EPN2: variants seen among roughly 807,000 people sequenced by gnomAD.
The protein encoded by EPN2 is epsin-2.
In EPN2, 34 loss-of-function variants were observed where a neutral mutation model predicts 61.7. The observed-to-expected ratio is 0.55, with a 90% CI of 0.42 to 0.73. The LOEUF is 0.73. Among genes scored for constraint, EPN2 ranks in the 30% least tolerant of loss-of-function variants. EPN2 has a pLI of 0.00. For missense variants in EPN2, 714 were observed against 839.2 expected (o/e 0.85, Z 1.84); for synonymous variants, 349 against 353.6 (o/e 0.99, Z 0.15).
At chr17:19,304,109 T>TAAAA (rs1358863956) in intron 4 of EPN2, among the ~76,000 whole-genome samples, 1 of 151,398 alleles carries the variant, frequency 6.6e-6, no homozygotes, top group Non-Finnish European at 1.5e-5. Flanking sequence ...TCTCAAAAAA[T>TAAAA]AAATAAATAA....
chr17:19,300,039 G>A (rs921247837), intron 4 of EPN2, among the ~76,000 whole-genome samples: 22 of 152,236 alleles, frequency 1.4e-4, no homozygotes, highest in African/African-American at 5.3e-4. Context: ...GCAGTTGAAC[G>A]GATTAGAACA....
At chr17:19,273,788 ATTT>A (rs1166080552) in intron 1 of EPN2, among the ~76,000 whole-genome samples, 1 of 152,156 alleles carries the variant, frequency 6.6e-6, no homozygotes, top group Non-Finnish European at 1.5e-5. Flanking sequence ...GAAATAAAGG[ATTT>A]TTTTCTTTTC....
chr17:19,306,806 A>G (rs1461887911), intron 4 of EPN2, among the ~76,000 whole-genome samples: 1 of 152,212 alleles, frequency 6.6e-6, no homozygotes, highest in African/African-American at 2.4e-5. Context: ...GGGGTGGGAT[A>G]TGAGCCTTCT....
chr17:19,325,256 A>G (rs1398230929), intron 7 of EPN2, among the ~76,000 whole-genome samples: 1 of 152,264 alleles, frequency 6.6e-6, no homozygotes, highest in East Asian at 1.9e-4. Flanking sequence ...TGAGACTAGC[A>G]GAAGCCTAAT....
intron 4 of EPN2, among the ~76,000 whole-genome samples, chr17:19,305,046 T>C (rs1905764733): frequency 6.6e-6 from 1 of 152,202 alleles, no homozygotes; most frequent in Non-Finnish European, 1.5e-5. Context: ...GCAGTCATGC[T>C]GCCCACTGCA....
At chr17:19,292,951 A>G (rs2045479255) in intron 4 of EPN2, among the ~76,000 whole-genome samples, 1 of 152,260 alleles carries the variant, frequency 6.6e-6, no homozygotes. Flanking sequence ...TCTTTCCTCT[A>G]CTTGACAGTT....
At chr17:19,256,723 C>T (rs532137718) in intron 1 of EPN2, among the ~76,000 whole-genome samples, 2 of 152,244 alleles carry the variant, frequency 1.3e-5, no homozygotes, top group Admixed American at 1.3e-4. Context: ...AGCTGAGTGA[C>T]TTAAAATTTA....
intron 4 of EPN2, among the ~76,000 whole-genome samples, chr17:19,288,916 G>A (rs1318529458): frequency 1.3e-5 from 2 of 152,198 alleles, no homozygotes; most frequent in East Asian, 1.9e-4. Flanking sequence ...GTGAGATGGG[G>A]GAAGATGAGG....
At chr17:19,301,070 G>A (rs1299771896) in intron 4 of EPN2, among the ~76,000 whole-genome samples, 1 of 152,128 alleles carries the variant, frequency 6.6e-6, no homozygotes, top group Non-Finnish European at 1.5e-5. Flanking sequence ...GCAAGCAAAG[G>A]CTCGAGGCAG....
chr17:19,313,488 T>C, intron 7 of EPN2: 1 of 438,028 alleles, frequency 2.3e-6, no homozygotes, highest in Non-Finnish European at 4.0e-6. Flanking sequence ...TGAGTGGTTT[T>C]CTGCTTTGGG....
intron 1 of EPN2, among the ~76,000 whole-genome samples, chr17:19,268,092 C>T (rs1210672740): frequency 1.3e-5 from 2 of 152,186 alleles, no homozygotes; most frequent in Non-Finnish European, 2.9e-5. Context: ...TGAGGGTTCT[C>T]ACTCTGCCCG....
At chr17:19,308,157 T>G (rs1434997801) in intron 4 of EPN2, 1 of 528,490 alleles carries the variant, frequency 1.9e-6, no homozygotes, top group South Asian at 8.1e-5. Context: ...CACTGCAACC[T>G]CTGCCTTCTG....
intron 8 of EPN2, chr17:19,329,230 T>A (rs914925988): frequency 2.3e-6 from 1 of 431,104 alleles, no homozygotes; most frequent in Non-Finnish European, 4.1e-6. Flanking sequence ...GGTGACTTCC[T>A]ACAGACCCTC....
chr17:19,308,139 T>G (rs1905940359), intron 4 of EPN2: 1 of 653,060 alleles, frequency 1.5e-6, no homozygotes, highest in African/African-American at 2.0e-5. Flanking sequence ...AGTAGCTTGA[T>G]CTTGGCTCAC....
At chr17:19,301,427 G>A (rs1292709260) in intron 4 of EPN2, among the ~76,000 whole-genome samples, 1 of 152,176 alleles carries the variant, frequency 6.6e-6, no homozygotes, top group African/African-American at 2.4e-5. Flanking sequence ...TCCACACCAT[G>A]TGGCAGCATG....
At chr17:19,279,295 T>C (rs975162238) in intron 1 of EPN2, among the ~76,000 whole-genome samples, 10 of 152,154 alleles carry the variant, frequency 6.6e-5, no homozygotes, top group African/African-American at 1.2e-4. Context: ...AGGAGGCTCA[T>C]TGGGAGCCCT....
intron 1 of EPN2, among the ~76,000 whole-genome samples, chr17:19,256,419 CAAAAAA>C (rs61210278): frequency 2.9e-5 from 2 of 67,970 alleles, no homozygotes; most frequent in East Asian, 3.7e-4. Context: ...GACCCTGTCT[CAAAAAA>C]AAAAAAAAAA....
intron 1 of EPN2, among the ~76,000 whole-genome samples, chr17:19,243,241 A>G (rs2044904862): frequency 7.8e-6 from 1 of 127,530 alleles, no homozygotes; most frequent in African/African-American, 3.0e-5. Flanking sequence ...TTTTTTTGAG[A>G]CAGAGTCTTG....
At chr17:19,271,946 G>A (rs1400956978) in intron 1 of EPN2, among the ~76,000 whole-genome samples, 3 of 152,210 alleles carry the variant, frequency 2.0e-5, no homozygotes, top group Non-Finnish European at 2.9e-5. Flanking sequence ...GGCTCCTCGC[G>A]AGATGGCGAC....
Sources: gnomAD v4.1 joint callset for allele counts (sites outside exome capture counted in the v4.1 genomes callset) on GRCh38, gnomAD v4.1.1 for gene constraint, MANE v1.5 for transcripts, NCBI Gene and HGNC (gene_info 2026-07-23, HGNC 2026-07-21) for gene names.